Variants in DOK6 observed in about 807,000 individuals in gnomAD.
DOK6 encodes docking protein 6.
A neutral mutation model predicts 44.0 loss-of-function variants in DOK6; 22 were observed. That is an observed-to-expected ratio of 0.50 (90% CI 0.36 to 0.71). DOK6 has a LOEUF of 0.71. Among genes scored for constraint, DOK6 ranks in the 30% least tolerant of loss-of-function variants. DOK6 has a pLI of 0.00. For missense variants in DOK6, 340 were observed against 416.4 expected, an observed-to-expected ratio of 0.82 and a Z score of 1.60; for synonymous variants, 166 against 145.5, an observed-to-expected ratio of 1.14 and a Z score of -1.01.
chr18:69,471,930 C>G (rs1485577629), intron 1 of DOK6, among the ~76,000 whole-genome samples: 1 of 152,134 alleles, frequency 6.6e-6, no homozygotes, highest in Non-Finnish European at 1.5e-5. Context: ...TTCTTATCCC[C>G]TAGCACAGTT....
intron 5 of DOK6, among the ~76,000 whole-genome samples, chr18:69,698,868 AAT>A (rs1370500275): frequency 1.3e-5 from 2 of 152,210 alleles, no homozygotes; most frequent in African/African-American, 2.4e-5. Context: ...TTAATAATGT[AAT>A]ATGTTTTGCA....
chr18:69,777,904 G>A (rs542372043), intron 7 of DOK6: 2 of 151,798 alleles, frequency 1.3e-5, no homozygotes, highest in East Asian at 1.9e-4. Context: ...CATGAAAATC[G>A]GCACTCCGAT....
At chr18:69,805,457 T>A (rs1981027813) in intron 7 of DOK6, among the ~76,000 whole-genome samples, 1 of 152,098 alleles carries the variant, frequency 6.6e-6, no homozygotes, top group African/African-American at 2.4e-5. Flanking sequence ...ATACATGTAA[T>A]CCTTTTTAAA....
intron 1 of DOK6, among the ~76,000 whole-genome samples, chr18:69,405,798 A>G (rs958705478): frequency 5.3e-5 from 8 of 152,190 alleles, no homozygotes; most frequent in African/African-American, 1.9e-4. Flanking sequence ...AAGATAAAAC[A>G]TATAAATAAC....
chr18:69,770,827 C>T (rs572809559), intron 7 of DOK6, among the ~76,000 whole-genome samples: 62 of 152,032 alleles, frequency 4.1e-4, no homozygotes, highest in African/African-American at 1.4e-3. Flanking sequence ...TTGCAAACCC[C>T]TTCTATTTCT....
rs537425849 is a variant in DOK6 at position 69,847,769 on chromosome 18, A to ACATATATATAT, written c.*6386_*6387insCATATATATAT. The ACATATATATAT allele has an allele frequency of 0.011, 443 of 40,356 alleles. 5 individuals are homozygous for ACATATATATAT. The highest frequency in any genetic ancestry group is 0.023 in the African/African-American group (422 of 18,434). 2.5% of individuals were successfully genotyped at this position (40,356 alleles called of 1,614,324 possible). A position where few individuals can be genotyped will look rare whatever the true frequency, so the allele number is the denominator to read the frequency against. On this transcript the variant is annotated 3_prime_UTR_variant, in exon 8 of 8. Coordinates refer to ENST00000382713, the MANE Select transcript of DOK6 (RefSeq NM_152721.6). ...AAATAATGCTTACTCTTGTAAAAAAAAAAAATATATATATATGTATCAGCA... is the reference window on the plus strand; with the variant it reads ...AAATAATGCTTACTCTTGTAAAAAAACATATATATATAAAAATATATATATATGTATCAGCA...
chr18:69,736,309 A>G (rs1978603856), intron 5 of DOK6, among the ~76,000 whole-genome samples: 3 of 111,252 alleles, frequency 2.7e-5, no homozygotes, highest in East Asian at 6.5e-4. Context: ...CTATATCACA[A>G]TGTTGAAAAC....
At chr18:69,488,408 C>T (rs950137980) in intron 1 of DOK6, among the ~76,000 whole-genome samples, 2 of 152,148 alleles carry the variant, frequency 1.3e-5, no homozygotes, top group African/African-American at 4.8e-5. Flanking sequence ...TCCTGCTCCC[C>T]ACTGGTGCCA....
At chr18:69,629,036 A>G (rs985925449) in intron 3 of DOK6, among the ~76,000 whole-genome samples, 2 of 152,232 alleles carry the variant, frequency 1.3e-5, no homozygotes, top group African/African-American at 2.4e-5. Flanking sequence ...ATAGTAGCAA[A>G]AAGTGTCAAT....
At chr18:69,704,965 T>C (rs1986602518) in intron 5 of DOK6, 1 of 152,152 alleles carries the variant, frequency 6.6e-6, no homozygotes, top group South Asian at 2.1e-4. Context: ...TAATTCTGAA[T>C]TGCTGCTTGC....
chr18:69,499,174 C>A (rs1173980006), intron 1 of DOK6, among the ~76,000 whole-genome samples: 2 of 151,868 alleles, frequency 1.3e-5, no homozygotes, highest in Non-Finnish European at 2.9e-5. Flanking sequence ...AAATAAATTT[C>A]TCTCCATAAT....
At chr18:69,744,461 T>C (rs1978913276) in intron 6 of DOK6, among the ~76,000 whole-genome samples, 1 of 152,302 alleles carries the variant, frequency 6.6e-6, no homozygotes, top group South Asian at 2.1e-4. Flanking sequence ...TTTTTTTCTT[T>C]TTTTACTGAT....
rs571959912 is a variant in DOK6, at chr18:69,670,645, G to C, written c.290-7089G>C. On this transcript the variant is annotated intron_variant, in intron 3 of 7. Coordinates refer to ENST00000382713, the MANE Select transcript of DOK6 (RefSeq NM_152721.6). Reference sequence around the variant, plus strand: ...CTGCCTCAGCCTCCCAAGTAGCTGGGATTACAGGCACAAGCCACCATGCCC... The same window carrying C: ...CTGCCTCAGCCTCCCAAGTAGCTGGCATTACAGGCACAAGCCACCATGCCC... 3.9e-5 allele frequency among the ~76,000 whole-genome samples: 6 copies of C among 152,046 alleles called. No individual in the cohort carries two copies. The South Asian group carries it at 1.2e-3, about 32-fold the overall frequency.
intron 1 of DOK6, among the ~76,000 whole-genome samples, chr18:69,424,311 G>A (rs1978576610): frequency 6.6e-6 from 1 of 152,162 alleles, no homozygotes; most frequent in South Asian, 2.1e-4. Context: ...ATGACAGTGT[G>A]AGACTTTTTC....
At chr18:69,593,265 G>T (rs2144618044) in intron 2 of DOK6, among the ~76,000 whole-genome samples, 1 of 152,106 alleles carries the variant, frequency 6.6e-6, no homozygotes, top group East Asian at 1.9e-4. Flanking sequence ...CCAGCTACTT[G>T]GAAGGCTGAA....
intron 1 of DOK6, among the ~76,000 whole-genome samples, chr18:69,408,585 A>G (rs1978293529): frequency 6.6e-6 from 1 of 152,214 alleles, no homozygotes. Flanking sequence ...CTGGCTTTAT[A>G]AAAGATTATG....
intron 1 of DOK6, among the ~76,000 whole-genome samples, chr18:69,465,808 T>C (rs1302453153): frequency 6.6e-6 from 1 of 152,146 alleles, no homozygotes; most frequent in Non-Finnish European, 1.5e-5. Flanking sequence ...TTATAGTCCT[T>C]TGGGTATATA....
intron 3 of DOK6, among the ~76,000 whole-genome samples, chr18:69,652,222 T>C (rs1262163251): frequency 6.6e-6 from 1 of 152,216 alleles, no homozygotes. Flanking sequence ...TAAATAACTT[T>C]CAGAGAAGTT....
chr18:69,734,161 A>G (rs1436022304), intron 5 of DOK6, among the ~76,000 whole-genome samples: 1 of 151,438 alleles, frequency 6.6e-6, no homozygotes, highest in African/African-American at 2.4e-5. Flanking sequence ...TTTTTTTTCC[A>G]AATGACTACC....
Sources: allele counts gnomAD v4.1 joint callset (sites outside exome capture counted in the v4.1 genomes callset), GRCh38; gene constraint gnomAD v4.1.1; transcripts MANE v1.5; gene names NCBI Gene and HGNC (gene_info 2026-07-23, HGNC 2026-07-21).